Variants in C8A observed in about 807,000 individuals in gnomAD.
C8A encodes the protein complement component C8 alpha chain.
A neutral mutation model predicts 65.3 loss-of-function variants in C8A; 67 were observed. The ratio of observed to expected loss-of-function variants is 1.03; its 90% CI spans 0.84 to 1.26. C8A has a LOEUF of 1.26. C8A is among the 50% of genes most tolerant of loss of function. The pLI, the probability that C8A is intolerant of heterozygous loss-of-function variation, is 0.00. For missense variants in C8A, 781 were observed against 723.9 expected (o/e 1.08, Z -0.90); for synonymous variants, 290 against 259.4 (o/e 1.12, Z -1.13).
At chr1:56,912,362 A>G (rs368068754) in intron 9 of C8A, 41 bp from the exon 10 acceptor site, 583 of 1,591,640 alleles carry the variant, frequency 3.7e-4, no homozygotes, top group Non-Finnish European at 4.6e-4. Context: ...GAAGGTAGAT[A>G]GAGCCCAGGG....
At chr1:56,889,115 C>G (rs779952515) in intron 7 of C8A, among the ~76,000 whole-genome samples, 1 of 151,976 alleles carries the variant, frequency 6.6e-6, no homozygotes, top group South Asian at 2.1e-4. Flanking sequence ...ACAAATTGTC[C>G]CAGGGATAAT....
At chr1:56,893,991 A>C (rs1040827061) in intron 7 of C8A, among the ~76,000 whole-genome samples, 10 of 152,178 alleles carry the variant, frequency 6.6e-5, no homozygotes, top group Non-Finnish European at 1.5e-4. Flanking sequence ...CTTTGTGAGC[A>C]TGTGGCATAG....
intron 3 of C8A, among the ~76,000 whole-genome samples, 184 bp downstream of exon 3, chr1:56,875,277 A>G (rs754459690): frequency 2.6e-5 from 4 of 152,198 alleles, no homozygotes; most frequent in Non-Finnish European, 5.9e-5. Context: ...AGTAATTTTG[A>G]TTCAACTTTG....
intron 7 of C8A, among the ~76,000 whole-genome samples, chr1:56,905,001 C>T (rs1644453169): frequency 6.6e-6 from 1 of 152,224 alleles, no homozygotes; most frequent in Non-Finnish European, 1.5e-5. Context: ...AGTAATCACT[C>T]TGGCTTCTGC....
At chr1:56,857,792 A>G (rs1440127186) in intron 1 of C8A, among the ~76,000 whole-genome samples, 1 of 151,884 alleles carries the variant, frequency 6.6e-6, no homozygotes, top group African/African-American at 2.4e-5. Flanking sequence ...GTTTTCATCA[A>G]ATTTGAAAAT....
chr1:56,883,765 G>A, intron 6 of C8A, 84 bp downstream of exon 6: 1 of 1,187,376 alleles, frequency 8.4e-7, no homozygotes, highest in South Asian at 1.3e-5. Context: ...AAAAAGTACA[G>A]TAGTAATTGA....
At chr1:56,866,891 A>G (rs1174049437) in intron 1 of C8A, among the ~76,000 whole-genome samples, 1 of 152,220 alleles carries the variant, frequency 6.6e-6, no homozygotes, top group Non-Finnish European at 1.5e-5. Context: ...AGGCAGTAGC[A>G]TGATGAGGAG....
At chr1:56,881,735 T>C in intron 5 of C8A, 101 bp downstream of exon 5, 1 of 1,174,374 alleles carries the variant, frequency 8.5e-7, no homozygotes, top group Non-Finnish European at 1.3e-6. Context: ...TTTTGTTTTC[T>C]ATAAAGTTTG....
chr1:56,875,364 C>A (rs1324686262), intron 3 of C8A, among the ~76,000 whole-genome samples: 2 of 152,152 alleles, frequency 1.3e-5, no homozygotes, highest in Non-Finnish European at 2.9e-5. Flanking sequence ...TTATTGACCA[C>A]ATATTATGTG....
chr1:56,915,450 C>G (rs1644543268), intron 10 of C8A, among the ~76,000 whole-genome samples: 1 of 152,144 alleles, frequency 6.6e-6, no homozygotes, highest in African/African-American at 2.4e-5. Flanking sequence ...AATAAAACTA[C>G]TCTGGATTGA....
intron 7 of C8A, among the ~76,000 whole-genome samples, chr1:56,890,875 C>G (rs550302588): frequency 1.3e-5 from 2 of 152,170 alleles, no homozygotes; most frequent in African/African-American, 4.8e-5. Context: ...TATTTTAATT[C>G]TCAGCAAATC....
intron 1 of C8A, 55 bp from the exon 2 acceptor site, chr1:56,867,554 C>T: frequency 2.3e-6 from 3 of 1,277,826 alleles, no homozygotes; most frequent in East Asian, 2.3e-5. Context: ...ACAGCTTTCT[C>T]ATTTGCTTAA....
intron 1 of C8A, among the ~76,000 whole-genome samples, chr1:56,864,406 G>A (rs1557696739): frequency 6.6e-6 from 1 of 152,110 alleles, no homozygotes; most frequent in Non-Finnish European, 1.5e-5. Context: ...TTATTGAAAG[G>A]GAGGAAGCTT....
chr1:56,858,783 A>G (rs1418316836), intron 1 of C8A, among the ~76,000 whole-genome samples: 2 of 152,244 alleles, frequency 1.3e-5, no homozygotes, highest in African/African-American at 4.8e-5. Flanking sequence ...TATTCAGGGT[A>G]ACTAATCTTT....
At chr1:56,855,281 G>A (rs1643962980) in intron 1 of C8A, among the ~76,000 whole-genome samples, 1 of 152,096 alleles carries the variant, frequency 6.6e-6, no homozygotes, top group South Asian at 2.1e-4. Context: ...TCTTCTATAA[G>A]AGTTAATGTA....
At chr1:56,883,223 CTG>C (rs3835681) in intron 5 of C8A, among the ~76,000 whole-genome samples, 11,040 of 150,174 alleles carry the variant, frequency 0.074, 520 homozygotes, top group South Asian at 0.15. Context: ...TCATCTGCAT[CTG>C]TGTGTGTGTG....
chr1:56,913,963 A>T (rs1211356838), intron 10 of C8A, among the ~76,000 whole-genome samples: 3 of 152,188 alleles, frequency 2.0e-5, no homozygotes, highest in African/African-American at 7.2e-5. Flanking sequence ...AAAAGTCAAG[A>T]GCTCAGGATA....
chr1:56,889,252 C>T (rs530267027), intron 7 of C8A, among the ~76,000 whole-genome samples: 1 of 152,280 alleles, frequency 6.6e-6, no homozygotes, highest in South Asian at 2.1e-4. Flanking sequence ...ATGTGCTAAT[C>T]ATCACCTCAT....
intron 1 of C8A, among the ~76,000 whole-genome samples, chr1:56,861,081 T>A (rs1644029236): frequency 6.6e-6 from 1 of 152,234 alleles, no homozygotes; most frequent in African/African-American, 2.4e-5. Flanking sequence ...GATGCCAGCA[T>A]CTGCTTGGCT....
Sources: gnomAD v4.1 joint callset for allele counts (sites outside exome capture counted in the v4.1 genomes callset) on GRCh38, gnomAD v4.1.1 for gene constraint, MANE v1.5 for transcripts, NCBI Gene and HGNC (gene_info 2026-07-23, HGNC 2026-07-21) for gene names.